Variants in ITGAV observed in about 807,000 individuals in gnomAD.
ITGAV encodes integrin alpha-V.
ITGAV carries 76 observed loss-of-function variants against 143.8 expected under a neutral mutation model. That is an observed-to-expected ratio of 0.53 (90% CI 0.44 to 0.64). ITGAV has a LOEUF of 0.64. Ranked by LOEUF, ITGAV falls within the 30% of genes least tolerant of loss-of-function variation. The probability of loss-of-function intolerance (pLI) is 0.00; values close to 1 mark genes in which losing one functional copy is unlikely to be tolerated. For missense variants in ITGAV, 1,193 were observed against 1,274.7 expected (o/e 0.94, Z 0.98); for synonymous variants, 453 against 446.7 (o/e 1.01, Z -0.18).
intron 1 of ITGAV, 90 bp downstream of exon 1, chr2:186,590,613 G>A: frequency 8.3e-7 from 1 of 1,210,100 alleles, no homozygotes; most frequent in Non-Finnish European, 1.1e-6. Flanking sequence ...ATTTCCGAGA[G>A]ATCCCGGCGT....
intron 13 of ITGAV, among the ~76,000 whole-genome samples, chr2:186,648,624 A>C (rs1688327970): frequency 6.6e-6 from 1 of 151,774 alleles, no homozygotes; most frequent in South Asian, 2.1e-4. Flanking sequence ...ACCACCACGC[A>C]CAGCTAATTT....
At chr2:186,670,325 G>C (rs1056154898) in intron 26 of ITGAV, among the ~76,000 whole-genome samples, 6 of 151,882 alleles carry the variant, frequency 4.0e-5, no homozygotes. Flanking sequence ...TTTTGACACA[G>C]AGCCTCACTT....
chr2:186,644,523 A>G (rs914203883), intron 12 of ITGAV, among the ~76,000 whole-genome samples: 3 of 150,840 alleles, frequency 2.0e-5, no homozygotes, highest in African/African-American at 7.3e-5. Flanking sequence ...ATGGAGTTTC[A>G]CCATGTTGGC....
chr2:186,668,217 T>TATATATATA (rs71017335), intron 24 of ITGAV, among the ~76,000 whole-genome samples: 1 of 8,200 alleles, frequency 1.2e-4, no homozygotes, highest in South Asian at 6.8e-3. Context: ...TATATATATA[T>TATATATATA]TTTTTTTTTT....
At chr2:186,662,950 T>A (rs1688787755) in intron 18 of ITGAV, among the ~76,000 whole-genome samples, 1 of 152,178 alleles carries the variant, frequency 6.6e-6, no homozygotes, top group South Asian at 2.1e-4. Context: ...GCCCTTTGGA[T>A]GTTACCAGTA....
intron 2 of ITGAV, among the ~76,000 whole-genome samples, chr2:186,606,913 A>G (rs748399703): frequency 6.6e-6 from 1 of 151,924 alleles, no homozygotes; most frequent in Non-Finnish European, 1.5e-5. Context: ...CTGCTCTTTT[A>G]CAATTCACCC....
chr2:186,637,179 A>G lies in ITGAV; in HGVS notation c.802+70A>G, dbSNP rs1687967814. On this transcript the variant is annotated intron_variant, in intron 8 of 29. Coordinates refer to ENST00000261023, the MANE Select transcript of ITGAV (RefSeq NM_002210.5). ...TAAGTATTTGAAACATGTGGCATTGAAAATTTTAAGCAGTTTGAGTGGCTG... is the reference window on the plus strand; with the variant it reads ...TAAGTATTTGAAACATGTGGCATTGGAAATTTTAAGCAGTTTGAGTGGCTG... 4 of 1,379,058 alleles carry G rather than the reference A, an allele frequency of 2.9e-6. No individual in the cohort carries two copies. In the South Asian group the frequency reaches 4.7e-5, roughly 16 times the overall value. The allele number at this position is 1,379,058 out of a possible 1,614,324, so 85.4% of individuals were successfully genotyped here.
chr2:186,675,970 C>T (rs1468991803), intron 28 of ITGAV, 43 bp downstream of exon 28: 2 of 1,024,844 alleles, frequency 2.0e-6, no homozygotes, highest in East Asian at 2.4e-5. Context: ...TTACTCAATT[C>T]AAATGCTGTA....
intron 3 of ITGAV, among the ~76,000 whole-genome samples, chr2:186,624,935 A>G (rs1687632050): frequency 9.1e-6 from 1 of 109,734 alleles, no homozygotes; most frequent in Non-Finnish European, 1.8e-5. Context: ...TGAAATAACA[A>G]TTTTGCTAAC....
chr2:186,597,858 G>C (rs1686787315), intron 1 of ITGAV, among the ~76,000 whole-genome samples: 1 of 152,166 alleles, frequency 6.6e-6, no homozygotes, highest in African/African-American at 2.4e-5. Flanking sequence ...CCTAATACCT[G>C]GTGATCCGAG....
Position 186,664,631 on chromosome 2 carries a change from G to C in ITGAV, c.2063G>C (p.Arg688Pro). ...CAGGCTGATTTCATCGGGGTTGTCCGAAACAATGAAGTAAGCAGGCTGCCT... is the reference window on the plus strand; with the variant it reads ...CAGGCTGATTTCATCGGGGTTGTCCCAAACAATGAAGTAAGCAGGCTGCCT... ...PLQADFIGVV[R>P]NNEALARLSC... Residue 688 changes from arginine (R) to proline (P), a missense_variant, in exon 20 of 30, where the codon CGA becomes CCA. Transcript: ENST00000261023. 6.2e-7 allele frequency: 1 copy of C among 1,614,010 alleles called. No homozygotes were observed. The highest frequency in any genetic ancestry group is 8.5e-7 in the Non-Finnish European group (1 of 1,179,928).
rs191441897 is a variant in ITGAV at position 186,597,496 on chromosome 2, T to C, written c.186-4525T>C. On this transcript the variant is annotated intron_variant, in intron 1 of 29. Transcript: ENST00000261023. Reference sequence around the variant, plus strand: ...GTTACTCCACTGTCCATTTAAACTTTTCTTGAGTTCTTATAATGTGGCAGG... The same window carrying C: ...GTTACTCCACTGTCCATTTAAACTTCTCTTGAGTTCTTATAATGTGGCAGG... 9.8e-5 allele frequency among the ~76,000 whole-genome samples: 15 copies of C among 152,352 alleles called. No homozygotes were observed. The East Asian group carries it at 2.7e-3, about 27-fold the overall frequency.
At chr2:186,632,564 A>C (rs539722339) in intron 5 of ITGAV, among the ~76,000 whole-genome samples, 4 of 152,288 alleles carry the variant, frequency 2.6e-5, no homozygotes, top group African/African-American at 9.6e-5. Flanking sequence ...ACCTAGGATT[A>C]GACACTTTTA....
chr2:186,649,877 C>CGGTGG lies in ITGAV; in HGVS notation c.1389_1390insGGTGG (p.Leu464GlyfsTer12). ...GAGCTTTTGGTGTAGATCGAGCTAT[C>CGGTGG]TTATACAGGTGAGCATTTTCTGTAT... On this transcript the variant is annotated frameshift_variant, in exon 14 of 30. Transcript: ENST00000261023. LOFTEE classifies it high-confidence loss of function. The CGGTGG allele has an allele frequency of 6.9e-7, 1 of 1,448,486 alleles. No homozygotes were observed. The highest frequency in any genetic ancestry group is 1.4e-5 in the South Asian group (1 of 70,466). The allele number at this position is 1,448,486 out of a possible 1,614,324, so 89.7% of individuals were successfully genotyped here.
rs757973780 is a variant in ITGAV, at chr2:186,677,218, C to T, written c.3073C>T (p.Arg1025Trp). The T allele has an allele frequency of 1.1e-5, 18 of 1,613,602 alleles. No homozygotes were observed. The highest frequency in any genetic ancestry group is 3.3e-5 in the Admixed American group (2 of 59,952). Residue 1025 changes from arginine (R) to tryptophan (W), a missense_variant, in exon 30 of 30, where the codon CGG (arginine) becomes TGG (tryptophan). Coordinates refer to ENST00000261023, the MANE Select transcript of ITGAV (RefSeq NM_002210.5). ...MYRMGFFKRV[R>W]PPQEEQEREQ... Reference sequence around the variant, plus strand: ...ACAGATGGGCTTTTTTAAACGGGTCCGGCCACCTCAAGAAGAACAAGAAAG... The same window carrying T: ...ACAGATGGGCTTTTTTAAACGGGTCTGGCCACCTCAAGAAGAACAAGAAAG...
chr2:186,607,752 C>T (rs1373257207), intron 2 of ITGAV, among the ~76,000 whole-genome samples: 1 of 152,086 alleles, frequency 6.6e-6, no homozygotes, highest in Non-Finnish European at 1.5e-5. Flanking sequence ...TTCTGCATGC[C>T]AGTTTGGTCT....
At chr2:186,620,264 C>T (rs1485775400) in intron 2 of ITGAV, among the ~76,000 whole-genome samples, 4 of 152,052 alleles carry the variant, frequency 2.6e-5, no homozygotes, top group African/African-American at 4.8e-5. Flanking sequence ...GAAATGTTCC[C>T]ATAAGAGGCA....
intron 15 of ITGAV, among the ~76,000 whole-genome samples, chr2:186,652,746 G>C (rs1688470781): frequency 6.6e-6 from 1 of 151,884 alleles, no homozygotes; most frequent in Non-Finnish European, 1.5e-5. Flanking sequence ...TCTATGAACA[G>C]TTGTATGAAA....
Position 186,664,604 on chromosome 2 carries a change from T to C in ITGAV, c.2036T>C (p.Leu679Pro), listed in dbSNP as rs1367869430. The change falls in exon 20 of 30, where the codon CTG becomes CCG. Residue 679 changes from leucine (L) to proline (P), a missense_variant. Transcript: ENST00000261023. ...GCTGAGCTCATCGTTTCCATTCCAC[T>C]GCAGGCTGATTTCATCGGGGTTGTC... ...YEAELIVSIPLQADFIGVVRN... is the reference protein window; with the variant it reads ...YEAELIVSIPPQADFIGVVRN... The C allele has an allele frequency of 1.2e-6, 2 of 1,614,128 alleles. No individual in the cohort carries two copies. The highest frequency in any genetic ancestry group is 1.7e-6 in the Non-Finnish European group (2 of 1,179,976).
Sources: allele counts gnomAD v4.1 joint callset (sites outside exome capture counted in the v4.1 genomes callset), GRCh38; gene constraint gnomAD v4.1.1; transcripts MANE v1.5; gene names NCBI Gene and HGNC (gene_info 2026-07-23, HGNC 2026-07-21).